CELSR1: variants seen among roughly 807,000 people sequenced by gnomAD.
CELSR1 encodes the protein adhesion G protein-coupled receptor C1.
Under a neutral mutation model 249.1 loss-of-function variants are expected in CELSR1, and 110 were observed. That is an observed-to-expected ratio of 0.44 (90% CI 0.38 to 0.52). The LOEUF (loss-of-function observed/expected upper bound fraction) is 0.52, where lower values mean the gene tolerates loss of function less well. Ranked by LOEUF, CELSR1 falls within the 20% of genes least tolerant of loss-of-function variation. The pLI is 0.00. For synonymous variants in CELSR1, 2,113 were observed against 1,900.0 expected (o/e 1.11, Z -2.92); for missense variants, 4,109 against 4,296.4 (o/e 0.96, Z 1.22).
Position 46,366,993 on chromosome 22 carries a change from C to G in CELSR1, c.8205G>C (p.Thr2735=). 1 of 1,609,068 alleles carries G rather than the reference C, an allele frequency of 6.2e-7. No homozygotes were observed. The highest frequency in any genetic ancestry group is 8.5e-7 in the Non-Finnish European group (1 of 1,179,152). The part of the protein sequence containing the change: ...DSATTRATLL[T]RSLNCNTTFG... ...CCGCGGTGTCCCCGGCGCCTCCTAC[C>G]GTCAGCAGGGTGGCCCTGGTGGTGG... The change falls in exon 29 of 35, where the codon ACG becomes ACC. Residue 2735 remains threonine (T), a splice_region_variant and synonymous_variant. Transcript: ENST00000674500.
rs1015216940 is a variant in CELSR1, at chr22:46,393,127, G to A, written c.5964+1015C>T. On this transcript the variant is annotated intron_variant, in intron 14 of 34. Transcript: ENST00000674500. The surrounding 1 kb of genome is among the most constrained non-coding windows in gnomAD (Gnocchi z 4.1). ...ACCAGCTTCCCTCCTAGGGCCAGCC[G>A]CATCTGCAGGAAGCTCACGTCCCTC... Among the ~76,000 whole-genome samples, 12 of 152,112 alleles carry A rather than the reference G, an allele frequency of 7.9e-5. No individual in the cohort carries two copies. The highest frequency in any genetic ancestry group is 2.2e-4 in the African/African-American group (9 of 41,442).
intron 1 of CELSR1, among the ~76,000 whole-genome samples, chr22:46,489,640 C>T (rs574661046): frequency 6.6e-6 from 1 of 152,088 alleles, no homozygotes; most frequent in African/African-American, 2.4e-5. Context: ...TGGCCGTGCA[C>T]GGTGGCTCAT....
At position 46,439,471 on chromosome 22, in the gene CELSR1, C is replaced by T. The variant is rs982213952; in HGVS notation, c.4184-60G>A. 2.1e-4 allele frequency: 307 copies of T among 1,439,358 alleles called. 1 individual carries two copies. In the East Asian group the frequency reaches 3.3e-3, roughly 15 times the overall value. The allele number at this position is 1,439,358 out of a possible 1,614,324, so 89.2% of individuals were successfully genotyped here. A position where few individuals can be genotyped will look rare whatever the true frequency, so the allele number is the denominator to read the frequency against. On this transcript the variant is annotated intron_variant, in intron 2 of 34. Coordinates refer to ENST00000674500, the MANE Select transcript of CELSR1 (RefSeq NM_001378328.1). ...TACCGACCAGCCAGGGAAAAGCCAA[C>T]GAGCCTGTCGCAGACCCTGGACACA...
Position 46,391,315 on chromosome 22 carries a change from C to A in CELSR1, c.6149-28G>T, listed in dbSNP as rs1474362200. ...GGGGTAGAGAAGAGAGAAGTCTGCT[C>A]AGCGGGGCACGCCACACCCACGACC... On this transcript the variant is annotated intron_variant, in intron 15 of 34. Transcript: ENST00000674500. This position sits in a 1 kb window ranked among gnomAD's most constrained non-coding sequence, Gnocchi z 4.3. The A allele has an allele frequency of 6.3e-7, 1 of 1,596,494 alleles. No homozygotes were observed. Among genetic ancestry groups the A allele is most frequent in the South Asian group, 1.1e-5 (1 of 90,422 alleles).
rs531290224 is a variant in CELSR1, at chr22:46,380,011, T to C, written c.7256+777A>G. Among the ~76,000 whole-genome samples, 2 of 152,234 alleles carry C rather than the reference T, an allele frequency of 1.3e-5. No homozygotes were observed. The highest frequency in any genetic ancestry group is 2.1e-4 in the South Asian group (1 of 4,822). ...AGAAAAGGCAAGCTCCCTGTAACGATAGAGCAACTCAAATGTCCACACCTC... is the reference window on the plus strand; with the variant it reads ...AGAAAAGGCAAGCTCCCTGTAACGACAGAGCAACTCAAATGTCCACACCTC... On this transcript the variant is annotated intron_variant, in intron 22 of 34. Transcript: ENST00000674500. This position sits in a 1 kb window ranked among gnomAD's most constrained non-coding sequence, Gnocchi z 5.1.
chr22:46,368,375 G>A (rs2147171823), intron 27 of CELSR1, among the ~76,000 whole-genome samples: 1 of 152,214 alleles, frequency 6.6e-6, no homozygotes, highest in Middle Eastern at 3.4e-3. Flanking sequence ...GGATGGCACT[G>A]AAGACGAGGA....
intron 23 of CELSR1, among the ~76,000 whole-genome samples, chr22:46,377,807 G>A (rs112532341): frequency 0.045 from 6,909 of 152,260 alleles, 525 homozygotes; most frequent in African/African-American, 0.16. Context: ...CTCCAGCCCC[G>A]CCTGAGGGCT....
At position 46,398,044 on chromosome 22, in the gene CELSR1, G is replaced by A. The variant is rs911692244; in HGVS notation, c.5527-196C>T. Reference sequence around the variant, plus strand: ...GGAGTGCAGTGGAGGGCTGGGTGAGGAGCTCAGAGGGCACGCCAGCCTGAG... The same window carrying A: ...GGAGTGCAGTGGAGGGCTGGGTGAGAAGCTCAGAGGGCACGCCAGCCTGAG... On this transcript the variant is annotated intron_variant, in intron 11 of 34. Transcript: ENST00000674500. This position sits in a 1 kb window ranked among gnomAD's most constrained non-coding sequence, Gnocchi z 7.2. Among the ~76,000 whole-genome samples, 8 of 152,196 alleles carry A rather than the reference G, an allele frequency of 5.3e-5. No individual in the cohort carries two copies. The highest frequency in any genetic ancestry group is 1.7e-4 in the African/African-American group (7 of 41,452).
rs906079989 is a variant in CELSR1 at position 46,362,915 on chromosome 22, T to G, written c.*308A>C. The stretch of plus-strand genomic sequence containing the variant: ...TCTGGGGTCCCCTCTCAGTTCTGGC[T>G]TTGACTGCAGTCTTAGGACTCAGCG... On this transcript the variant is annotated 3_prime_UTR_variant, in exon 35 of 35. Transcript: ENST00000674500. 8 of 509,550 alleles carry G rather than the reference T, an allele frequency of 1.6e-5. No homozygotes were observed. The highest frequency in any genetic ancestry group is 6.4e-5 in the Admixed American group (2 of 31,138). The allele number at this position is 509,550 out of a possible 1,614,324, so 31.6% of individuals were successfully genotyped here. A position where few individuals can be genotyped will look rare whatever the true frequency, so the allele number is the denominator to read the frequency against.
At chr22:46,422,780 A>AAAAAAAG (rs1337523194) in intron 5 of CELSR1, among the ~76,000 whole-genome samples, 1 of 148,686 alleles carries the variant, frequency 6.7e-6, no homozygotes, top group Non-Finnish European at 1.5e-5. Flanking sequence ...AAAAAAAAAA[A>AAAAAAAG]TGGCTCATAG....
rs572698113 is a variant in CELSR1 at position 46,423,374 on chromosome 22, C to T, written c.4611+10019G>A. Among the ~76,000 whole-genome samples the T allele has an allele frequency of 1.0e-4, 15 of 150,422 alleles. No homozygotes were observed. The highest frequency in any genetic ancestry group is 4.0e-4 in the Admixed American group (6 of 15,132). ...CTGTAATCCCAGCACTTTGGGAGGC[C>T]GAGGGGGGCAGATCACCTGAGGTCA... is the stretch of plus-strand genomic sequence containing the variant. On this transcript the variant is annotated intron_variant, in intron 5 of 34. Coordinates refer to ENST00000674500, the MANE Select transcript of CELSR1 (RefSeq NM_001378328.1). This position sits in a 1 kb window ranked among gnomAD's most constrained non-coding sequence, Gnocchi z 5.6.
chr22:46,367,137 G>T lies in CELSR1; in HGVS notation c.8080-19C>A, dbSNP rs1298266555. On this transcript the variant is annotated intron_variant, in intron 28 of 34. Transcript: ENST00000674500. ...AGGGGCCCTGGAGGGAGGAAGGTGG[G>T]GTCAGCACCTGCTGCTGCCTCCCTA... 2 of 1,607,590 alleles carry T rather than the reference G, an allele frequency of 1.2e-6. No homozygotes were observed. Among genetic ancestry groups the T allele is most frequent in the Admixed American group, 1.7e-5 (1 of 59,642 alleles).
chr22:46,523,529 A>G (rs1373856286), intron 1 of CELSR1, among the ~76,000 whole-genome samples: 1 of 37,118 alleles, frequency 2.7e-5, no homozygotes, highest in African/African-American at 4.0e-5. Context: ...CTCTGTCTCA[A>G]ATAAATAAAT....
rs529385675 is a variant in CELSR1 at position 46,373,206 on chromosome 22, A to G, written c.7585-149T>C. On this transcript the variant is annotated intron_variant, in intron 24 of 34. Coordinates refer to ENST00000674500, the MANE Select transcript of CELSR1 (RefSeq NM_001378328.1). ...CTGAGCAGGGCTACATGTCTGGCCA[A>G]TGGCTGAGAGCCAGGAATTGAAAAT... 7 of 860,116 alleles carry G rather than the reference A, an allele frequency of 8.1e-6. No homozygotes were observed. The Admixed American group carries it at 1.4e-4, about 17-fold the overall frequency. 53.3% of individuals were successfully genotyped at this position (860,116 alleles called of 1,614,324 possible).
chr22:46,508,174 AC>A (rs1348385695), intron 1 of CELSR1, among the ~76,000 whole-genome samples: 1 of 148,756 alleles, frequency 6.7e-6, no homozygotes, highest in Non-Finnish European at 1.5e-5. Context: ...ACACCAGCTG[AC>A]CCCCTCCCAC....
intron 1 of CELSR1, among the ~76,000 whole-genome samples, chr22:46,465,894 G>A (rs1165488104): frequency 2.6e-5 from 4 of 152,246 alleles, no homozygotes; most frequent in African/African-American, 4.8e-5. Context: ...TCCCACCCCA[G>A]TAACGACACT....
Position 46,441,641 on chromosome 22 carries a change from C to G in CELSR1, c.4184-2230G>C, listed in dbSNP as rs1462310143. On this transcript the variant is annotated intron_variant, in intron 2 of 34. Transcript: ENST00000674500. This position sits in a 1 kb window ranked among gnomAD's most constrained non-coding sequence, Gnocchi z 6.1. Reference sequence around the variant, plus strand: ...CCTTCTTGCCGCATAAGGGAGAGGGCTGTGGTCTCTTCCTCTCCTTACAAG... The same window carrying G: ...CCTTCTTGCCGCATAAGGGAGAGGGGTGTGGTCTCTTCCTCTCCTTACAAG... Among the ~76,000 whole-genome samples the G allele has an allele frequency of 6.6e-6, 1 of 152,106 alleles. No homozygotes were observed. Among genetic ancestry groups the G allele is most frequent in the Non-Finnish European group, 1.5e-5 (1 of 68,026 alleles).
intron 22 of CELSR1, among the ~76,000 whole-genome samples, chr22:46,379,277 GC>G (rs1054410189): frequency 6.6e-6 from 1 of 152,206 alleles, no homozygotes; most frequent in Non-Finnish European, 1.5e-5. Context: ...CTGATGGGAA[GC>G]CCCAAATAAC....
chr22:46,367,327 A>G (rs778684355), intron 28 of CELSR1, among the ~76,000 whole-genome samples: 46 of 152,120 alleles, frequency 3.0e-4, no homozygotes, highest in Admixed American at 4.6e-4. Context: ...CCTGGGCCAG[A>G]CCCCCGGTGT....
Sources: gnomAD v4.1 joint callset for allele counts (sites outside exome capture counted in the v4.1 genomes callset) on GRCh38, gnomAD v4.1.1 for gene constraint, Gnocchi (gnomAD v3.1) non-coding constraint, MANE v1.5 for transcripts, NCBI Gene and HGNC (gene_info 2026-07-23, HGNC 2026-07-21) for gene names.